IGFL2: variants seen among roughly 807,000 people sequenced by gnomAD.
The protein encoded by IGFL2 is insulin growth factor-like family member 2.
A neutral mutation model predicts 13.9 loss-of-function variants in IGFL2; 7 were observed. That is an observed-to-expected ratio of 0.51 (90% CI 0.29 to 0.95). The LOEUF is 0.95. Ranked by LOEUF, IGFL2 falls within the 40% of genes least tolerant of loss-of-function variation. IGFL2 has a pLI of 0.08. For missense variants in IGFL2, 138 were observed against 147.8 expected (o/e 0.93, Z 0.34); for synonymous variants, 55 against 55.8 (o/e 0.99, Z 0.07).
At chr19:46,184,442 C>T in the IGFL2 span, among the ~76,000 whole-genome samples, 5 of 151,964 alleles carry the variant, frequency 3.3e-5, no homozygotes, top group African/African-American at 9.7e-5. Context: ...CGACAGGCTC[C>T]GGTGTGTGAT....
chr19:46,175,558 T>A, the IGFL2 span, among the ~76,000 whole-genome samples: 5 of 151,942 alleles, frequency 3.3e-5, no homozygotes, highest in African/African-American at 4.8e-5. Context: ...TTTTTTTTTT[T>A]AGACAGTCTC....
the IGFL2 span, among the ~76,000 whole-genome samples, chr19:46,130,690 G>A: frequency 6.6e-6 from 1 of 152,144 alleles, no homozygotes; most frequent in Non-Finnish European, 1.5e-5. Flanking sequence ...TTATGAGCTT[G>A]GATGAAGGTT....
At chr19:46,149,476 C>T (rs761965560) in intron 1 of IGFL2, among the ~76,000 whole-genome samples, 7 of 151,362 alleles carry the variant, frequency 4.6e-5, no homozygotes, top group Non-Finnish European at 7.4e-5. Flanking sequence ...TTTTTACCTC[C>T]GAGTCACCTG....
At chr19:46,125,663 C>T in the IGFL2 span, among the ~76,000 whole-genome samples, 15 of 152,268 alleles carry the variant, frequency 9.9e-5, no homozygotes, top group Non-Finnish European at 1.8e-4. Flanking sequence ...AAATGGTTCT[C>T]CTTTTCTGAG....
At chr19:46,211,223 C>T in the IGFL2 span, among the ~76,000 whole-genome samples, 2 of 152,188 alleles carry the variant, frequency 1.3e-5, no homozygotes, top group Non-Finnish European at 2.9e-5. Flanking sequence ...CTGCATCATA[C>T]GAAGGATCCT....
chr19:46,166,161 T>C (rs1343518017), downstream of IGFL2, among the ~76,000 whole-genome samples: 4 of 152,188 alleles, frequency 2.6e-5, no homozygotes, highest in African/African-American at 9.7e-5. Context: ...AAGAACAAGA[T>C]ACCTATCGGG....
At chr19:46,085,628 T>C in the IGFL2 span, among the ~76,000 whole-genome samples, 4 of 152,178 alleles carry the variant, frequency 2.6e-5, no homozygotes, top group Non-Finnish European at 4.4e-5. Context: ...TACATTCAAG[T>C]TTAATATTGA....
the IGFL2 span, among the ~76,000 whole-genome samples, chr19:46,188,613 G>A: frequency 4.6e-5 from 7 of 152,116 alleles, no homozygotes; most frequent in African/African-American, 1.2e-4. Flanking sequence ...GTTCCCCGTG[G>A]GTTCTGTGTT....
At chr19:46,173,357 C>T in the IGFL2 span, among the ~76,000 whole-genome samples, 1 of 152,154 alleles carries the variant, frequency 6.6e-6, no homozygotes, top group African/African-American at 2.4e-5. Flanking sequence ...CACGTTCTGA[C>T]CCATTATAAA....
the IGFL2 span, among the ~76,000 whole-genome samples, chr19:46,094,961 G>T: frequency 6.6e-6 from 1 of 152,172 alleles, no homozygotes; most frequent in African/African-American, 2.4e-5. Context: ...CCATGTCTTT[G>T]CTATTGTGAG....
At chr19:46,206,689 C>G in the IGFL2 span, 1 of 152,206 alleles carries the variant, frequency 6.6e-6, no homozygotes, top group Non-Finnish European at 1.5e-5. Flanking sequence ...CATGCACACT[C>G]TTCTATTTCT....
the IGFL2 span, among the ~76,000 whole-genome samples, chr19:46,169,363 TAGAG>T: frequency 6.6e-6 from 1 of 152,084 alleles, no homozygotes; most frequent in Non-Finnish European, 1.5e-5. Flanking sequence ...AATGCAGTGA[TAGAG>T]AAAGAACAAT....
the IGFL2 span, among the ~76,000 whole-genome samples, chr19:46,088,780 T>C: frequency 6.6e-6 from 1 of 152,226 alleles, no homozygotes; most frequent in African/African-American, 2.4e-5. Context: ...AGTGATCATG[T>C]CATTTGAGAC....
the IGFL2 span, among the ~76,000 whole-genome samples, chr19:46,110,717 G>A: frequency 1.6e-4 from 24 of 152,176 alleles, no homozygotes; most frequent in Non-Finnish European, 3.2e-4. Context: ...AGTTTATAGT[G>A]GAGATACCTT....
the IGFL2 span, chr19:46,124,131 CCA>C: frequency 6.2e-7 from 1 of 1,611,010 alleles, no homozygotes; most frequent in Non-Finnish European, 8.5e-7. Context: ...GCTGGCACAG[CCA>C]CAGTCCTGAG....
the IGFL2 span, among the ~76,000 whole-genome samples, chr19:46,124,899 C>T: frequency 6.6e-6 from 1 of 150,654 alleles, no homozygotes; most frequent in Admixed American, 6.6e-5. Context: ...CAGACTGACT[C>T]ATTGCATTCT....
chr19:46,172,849 C>T, the IGFL2 span, among the ~76,000 whole-genome samples: 3 of 152,136 alleles, frequency 2.0e-5, no homozygotes, highest in Non-Finnish European at 4.4e-5. Context: ...CTCTGAGTAG[C>T]TCTACAGACA....
At chr19:46,115,654 T>G in the IGFL2 span, among the ~76,000 whole-genome samples, 5 of 152,244 alleles carry the variant, frequency 3.3e-5, no homozygotes, top group East Asian at 9.7e-4. Context: ...TACCCGACTC[T>G]CTGTGTAATT....
At chr19:46,176,277 C>A in the IGFL2 span, among the ~76,000 whole-genome samples, 1 of 150,212 alleles carries the variant, frequency 6.7e-6, no homozygotes, top group Non-Finnish European at 1.5e-5. Flanking sequence ...GGAACAAAAA[C>A]AGGAAGTAGA....
Sources: allele counts gnomAD v4.1 joint callset (sites outside exome capture counted in the v4.1 genomes callset), GRCh38; gene constraint gnomAD v4.1.1; transcripts MANE v1.5; gene names NCBI Gene and HGNC (gene_info 2026-07-23, HGNC 2026-07-21).